Variants in TFPI observed in about 807,000 individuals in gnomAD.
TFPI encodes tissue factor pathway inhibitor.
A neutral mutation model predicts 34.6 loss-of-function variants in TFPI; 15 were observed. The ratio of observed to expected loss-of-function variants is 0.43; its 90% CI spans 0.29 to 0.67. The LOEUF (loss-of-function observed/expected upper bound fraction) is 0.67. TFPI is among the 30% of genes least tolerant of loss of function. The pLI is 0.15. For missense variants in TFPI, 301 were observed against 364.0 expected (o/e 0.83, Z 1.41); for synonymous variants, 105 against 120.1 (o/e 0.87, Z 0.82).
At chr2:187,529,492 G>A (rs1198916335) in intron 1 of TFPI, 2 of 152,176 alleles carry the variant, frequency 1.3e-5, no homozygotes, top group South Asian at 4.1e-4. Flanking sequence ...TGTCCTGTGT[G>A]CACATGGAGA....
intron 2 of TFPI, among the ~76,000 whole-genome samples, chr2:187,499,277 G>C (rs776553365): frequency 5.9e-5 from 9 of 151,738 alleles, no homozygotes; most frequent in Non-Finnish European, 1.2e-4. Flanking sequence ...TCTTAAATTA[G>C]ATACACAAGT....
intron 1 of TFPI, among the ~76,000 whole-genome samples, chr2:187,523,344 A>G (rs1687507624): frequency 6.6e-6 from 1 of 152,166 alleles, no homozygotes; most frequent in South Asian, 2.1e-4. Flanking sequence ...ATGTATAGCA[A>G]TAGGAATATT....
intron 1 of TFPI, among the ~76,000 whole-genome samples, chr2:187,528,895 C>T (rs995898980): frequency 1.2e-4 from 18 of 150,698 alleles, no homozygotes; most frequent in African/African-American, 4.4e-4. Context: ...TCATATTTAA[C>T]ACTGATGTAT....
chr2:187,509,554 C>A (rs1433124548), intron 1 of TFPI, among the ~76,000 whole-genome samples: 1 of 152,164 alleles, frequency 6.6e-6, no homozygotes, highest in African/African-American at 2.4e-5. Flanking sequence ...GGAACTTATC[C>A]ATTTCTTCTA....
chr2:187,486,300 A>G (rs1304452701), intron 4 of TFPI, among the ~76,000 whole-genome samples: 3 of 151,656 alleles, frequency 2.0e-5, no homozygotes, highest in Non-Finnish European at 4.4e-5. Flanking sequence ...GATTTGTTTT[A>G]GTCTTAATGT....
At chr2:187,480,914 A>G (rs1013603222) in intron 6 of TFPI, among the ~76,000 whole-genome samples, 4 of 152,148 alleles carry the variant, frequency 2.6e-5, no homozygotes, top group African/African-American at 9.6e-5. Context: ...CGAATCAAGA[A>G]AGCTTACTGG....
chr2:187,508,738 C>A (rs1686405699), intron 1 of TFPI, among the ~76,000 whole-genome samples: 1 of 152,166 alleles, frequency 6.6e-6, no homozygotes, highest in South Asian at 2.1e-4. Flanking sequence ...ATGTCATCTG[C>A]AAACAGAGAC....
intron 6 of TFPI, among the ~76,000 whole-genome samples, chr2:187,473,844 T>C (rs1291308580): frequency 6.6e-6 from 1 of 151,042 alleles, no homozygotes; most frequent in Non-Finnish European, 1.5e-5. Context: ...GCCACTTACC[T>C]GAGGATAAAG....
chr2:187,528,546 GTCTGTTTAGATTTGC>G (rs777498853), intron 1 of TFPI, among the ~76,000 whole-genome samples: 3 of 152,156 alleles, frequency 2.0e-5, no homozygotes, highest in Middle Eastern at 3.4e-3. Context: ...TGAAGATTAA[GTCTGTTTAGATTTGC>G]TCTGTAGATG....
intron 1 of TFPI, among the ~76,000 whole-genome samples, chr2:187,525,411 C>T (rs547296467): frequency 1.3e-5 from 2 of 152,078 alleles, no homozygotes; most frequent in East Asian, 1.9e-4. Context: ...TGGCAAGTAG[C>T]TCCTTTCTTT....
At chr2:187,514,165 A>G (rs756114715) in intron 1 of TFPI, 1 of 152,256 alleles carries the variant, frequency 6.6e-6, no homozygotes, top group Non-Finnish European at 1.5e-5. Context: ...CTAGAGGATC[A>G]TAGAAGTTAA....
intron 6 of TFPI, among the ~76,000 whole-genome samples, chr2:187,472,398 A>G (rs1166656706): frequency 1.3e-5 from 2 of 152,208 alleles, no homozygotes; most frequent in Non-Finnish European, 1.5e-5. Flanking sequence ...TACTTCTAAA[A>G]TTAGAATTAT....
At chr2:187,515,127 T>C (rs1360526462) in intron 1 of TFPI, 1 of 152,212 alleles carries the variant, frequency 6.6e-6, no homozygotes, top group Non-Finnish European at 1.5e-5. Flanking sequence ...AACAACTAGA[T>C]GGCGTTTCTA....
chr2:187,482,527 C>A (rs1267969095), intron 6 of TFPI, among the ~76,000 whole-genome samples: 1 of 151,996 alleles, frequency 6.6e-6, no homozygotes, highest in Non-Finnish European at 1.5e-5. Context: ...CACTGCTCTA[C>A]CTATTGAATG....
intron 1 of TFPI, among the ~76,000 whole-genome samples, chr2:187,505,123 G>T (rs1422986008): frequency 8.1e-6 from 1 of 123,684 alleles, no homozygotes; most frequent in Non-Finnish European, 1.7e-5. Context: ...TCGCATTTTT[G>T]AACACGTTTT....
At chr2:187,492,910 G>T (rs1358910649) in intron 3 of TFPI, among the ~76,000 whole-genome samples, 1 of 152,146 alleles carries the variant, frequency 6.6e-6, no homozygotes, top group East Asian at 1.9e-4. Flanking sequence ...GAATTTGGGG[G>T]ACTATTGGGA....
intron 3 of TFPI, among the ~76,000 whole-genome samples, chr2:187,492,048 G>C (rs1018990149): frequency 6.6e-6 from 1 of 152,024 alleles, no homozygotes; most frequent in South Asian, 2.1e-4. Context: ...TAAATGGTTT[G>C]TTATTTTCTT....
At chr2:187,495,207 A>G (rs568400375) in intron 3 of TFPI, among the ~76,000 whole-genome samples, 2 of 152,342 alleles carry the variant, frequency 1.3e-5, no homozygotes, top group East Asian at 1.9e-4. Flanking sequence ...GACTTGAACT[A>G]TACACATATA....
intron 1 of TFPI, 120 bp from the exon 2 acceptor site, chr2:187,503,890 C>T: frequency 9.4e-7 from 1 of 1,058,664 alleles, no homozygotes; most frequent in Non-Finnish European, 1.3e-6. Flanking sequence ...TATGTGTATA[C>T]ACATACATTT....
Sources: gnomAD v4.1 joint callset for allele counts (sites outside exome capture counted in the v4.1 genomes callset) on GRCh38, gnomAD v4.1.1 for gene constraint, MANE v1.5 for transcripts, NCBI Gene and HGNC (gene_info 2026-07-23, HGNC 2026-07-21) for gene names.